The following ATG7 variants were observed in gnomAD, a reference collection of about 807,000 sequenced individuals.
ATG7 encodes the protein ubiquitin-like modifier-activating enzyme ATG7.
In ATG7, 70 loss-of-function variants were observed where a neutral mutation model predicts 82.4. That is an observed-to-expected ratio of 0.85 (90% CI 0.70 to 1.04). ATG7 has a LOEUF of 1.04. Ranked by LOEUF, ATG7 falls within the 50% of genes least tolerant of loss-of-function variation. The probability of loss-of-function intolerance (pLI) is 0.00; values close to 1 mark genes in which losing one functional copy is unlikely to be tolerated. For synonymous variants in ATG7, 287 were observed against 313.0 expected (o/e 0.92, Z 0.88); for missense variants, 792 against 864.3 (o/e 0.92, Z 1.05).
intron 20 of ATG7, among the ~76,000 whole-genome samples, chr3:11,495,546 T>G (rs2090759964): frequency 6.6e-6 from 1 of 152,152 alleles, no homozygotes; most frequent in African/African-American, 2.4e-5. Flanking sequence ...CTAGTTGTGC[T>G]CCAGAAGGGT....
intron 19 of ATG7, among the ~76,000 whole-genome samples, chr3:11,425,466 T>C (rs2082287470): frequency 6.6e-6 from 1 of 152,248 alleles, no homozygotes; most frequent in Non-Finnish European, 1.5e-5. Context: ...ATGTCTTCAA[T>C]GTCTGCTATC....
At position 11,484,165 on chromosome 3, in the gene ATG7, A is replaced by G. The variant is rs137991052; in HGVS notation, c.2079+57239A>G. Among the ~76,000 whole-genome samples the G allele has an allele frequency of 2.3e-3, 354 of 152,246 alleles. 1 individual carries two copies. Among genetic ancestry groups the G allele is most frequent in the African/African-American group, 8.1e-3 (338 of 41,538 alleles). On this transcript the variant is annotated intron_variant, in intron 20 of 20. Coordinates refer to ENST00000693202, the MANE Select transcript of ATG7 (RefSeq NM_001349232.2). ...TCCCAGCAATTTGGGAGGCCGAGGCAGGTGAATCACTGGAGGCCAGGAATT... is the reference window on the plus strand; with the variant it reads ...TCCCAGCAATTTGGGAGGCCGAGGCGGGTGAATCACTGGAGGCCAGGAATT...
chr3:11,488,364 C>T (rs532536460), intron 20 of ATG7: 38 of 922,486 alleles, frequency 4.1e-5, no homozygotes, highest in Middle Eastern at 4.2e-4. Flanking sequence ...GGGCGGCACT[C>T]GCCGGCGCGG....
At chr3:11,519,930 C>T (rs1416069135) in intron 20 of ATG7, among the ~76,000 whole-genome samples, 1 of 152,176 alleles carries the variant, frequency 6.6e-6, no homozygotes, top group South Asian at 2.1e-4. Flanking sequence ...CCTCCTTCCC[C>T]TCCCCACTTG....
the ATG7 span, among the ~76,000 whole-genome samples, chr3:11,573,190 C>CAGAA: frequency 4.2e-5 from 6 of 142,988 alleles, no homozygotes; most frequent in East Asian, 1.2e-3. Context: ...GACAGACAGA[C>CAGAA]AGAAAGAAAG....
rs775423709 is a variant in ATG7 at position 11,342,282 on chromosome 3, A to T, written c.1125+3A>T. On this transcript the variant is annotated splice_donor_region_variant and intron_variant, in intron 13 of 20. Transcript: ENST00000693202. ...GCAATGTAGCTAGGACGTTGATGGT[A>T]AGTCGGAGGTGGGGGGTGCAAATGG... 2 of 1,610,984 alleles carry T rather than the reference A, an allele frequency of 1.2e-6. No homozygotes were observed. Among genetic ancestry groups the T allele is most frequent in the African/African-American group, 2.7e-5 (2 of 74,794 alleles).
intron 20 of ATG7, among the ~76,000 whole-genome samples, chr3:11,552,241 G>A (rs2071873910): frequency 1.3e-5 from 2 of 152,128 alleles, no homozygotes; most frequent in Non-Finnish European, 2.9e-5. Context: ...TTTCCTTAGG[G>A]TTGAATGTTT....
chr3:11,570,913 G>A, the ATG7 span, among the ~76,000 whole-genome samples: 6 of 152,172 alleles, frequency 3.9e-5, no homozygotes, highest in African/African-American at 1.2e-4. Context: ...CTGCTTCCCA[G>A]TGAGCAACAA....
intron 20 of ATG7, among the ~76,000 whole-genome samples, chr3:11,539,440 G>A (rs757200513): frequency 1.1e-4 from 16 of 152,348 alleles, no homozygotes; most frequent in African/African-American, 2.2e-4. Flanking sequence ...GAGAAGGCAT[G>A]GCACTGAGCC....
intron 9 of ATG7, among the ~76,000 whole-genome samples, chr3:11,330,445 C>T (rs974633012): frequency 5.3e-5 from 8 of 152,132 alleles, no homozygotes; most frequent in Admixed American, 3.9e-4. Context: ...ATTGTTCCAG[C>T]CTTGGCTATT....
intron 18 of ATG7, among the ~76,000 whole-genome samples, chr3:11,374,892 CAAAAAAAAAAA>C (rs55855960): frequency 2.2e-4 from 16 of 73,514 alleles, no homozygotes; most frequent in Middle Eastern, 7.4e-3. Context: ...CAACAGAGCT[CAAAAAAAAAAA>C]AAAAAAAAAA....
intron 20 of ATG7, among the ~76,000 whole-genome samples, chr3:11,523,137 C>T (rs1218224522): frequency 6.6e-6 from 1 of 152,148 alleles, no homozygotes; most frequent in African/African-American, 2.4e-5. Context: ...CCAAGTCATC[C>T]CTGAGAACAT....
intron 20 of ATG7, among the ~76,000 whole-genome samples, chr3:11,505,600 A>C (rs780761132): frequency 1.5e-4 from 23 of 152,232 alleles, no homozygotes; most frequent in Admixed American, 6.5e-4. Flanking sequence ...CCGACCGCAA[A>C]AGAGTCTTCT....
intron 20 of ATG7, among the ~76,000 whole-genome samples, chr3:11,445,029 G>A (rs1274941720): frequency 6.6e-6 from 1 of 152,102 alleles, no homozygotes; most frequent in Non-Finnish European, 1.5e-5. Flanking sequence ...CAGTCAGAAC[G>A]GCTATTATGA....
At chr3:11,427,461 G>T (rs2082461923) in intron 20 of ATG7, among the ~76,000 whole-genome samples, 1 of 149,916 alleles carries the variant, frequency 6.7e-6, no homozygotes, top group Admixed American at 6.7e-5. Flanking sequence ...AAAATATTTT[G>T]CAGATCTTAA....
chr3:11,563,995 G>A, the ATG7 span, among the ~76,000 whole-genome samples: 1 of 152,206 alleles, frequency 6.6e-6, no homozygotes, highest in Non-Finnish European at 1.5e-5. Context: ...TCTTGCAGCT[G>A]AATGCACAGA....
At chr3:11,418,967 T>TCC (rs199667100) in intron 19 of ATG7, among the ~76,000 whole-genome samples, 15 of 150,890 alleles carry the variant, frequency 9.9e-5, no homozygotes, top group African/African-American at 3.4e-4. Flanking sequence ...AAACTGCCCC[T>TCC]CCCCCCCGAT....
chr3:11,445,935 C>G (rs2084507367), intron 20 of ATG7, among the ~76,000 whole-genome samples: 1 of 152,056 alleles, frequency 6.6e-6, no homozygotes. Context: ...TTGGATTCTT[C>G]TTTTCTGATA....
At chr3:11,377,092 A>G (rs1053715132) in intron 18 of ATG7, among the ~76,000 whole-genome samples, 5 of 152,220 alleles carry the variant, frequency 3.3e-5, no homozygotes, top group African/African-American at 1.2e-4. Context: ...GACAGGCCTC[A>G]GAGCTGTGTA....
Sources: allele counts gnomAD v4.1 joint callset (sites outside exome capture counted in the v4.1 genomes callset), GRCh38; gene constraint gnomAD v4.1.1; transcripts MANE v1.5; gene names NCBI Gene and HGNC (gene_info 2026-07-23, HGNC 2026-07-21).